TMEM50B: variants seen among roughly 807,000 people sequenced by gnomAD.
TMEM50B encodes the protein HCV p7-trans-regulated protein 3.
Under a neutral mutation model 23.4 loss-of-function variants are expected in TMEM50B, and 14 were observed. That is an observed-to-expected ratio of 0.60 (90% CI 0.39 to 0.93). The LOEUF is 0.93. Ranked by LOEUF, TMEM50B falls within the 40% of genes least tolerant of loss-of-function variation. The probability of loss-of-function intolerance (pLI) is 0.00; values close to 1 mark genes in which losing one functional copy is unlikely to be tolerated. For missense variants in TMEM50B, 159 were observed against 193.0 expected (o/e 0.82, Z 1.04); for synonymous variants, 64 against 62.3 (o/e 1.03, Z -0.13).
intron 6 of TMEM50B, among the ~76,000 whole-genome samples, chr21:33,454,322 G>C (rs1245041558): frequency 2.6e-5 from 4 of 151,856 alleles, no homozygotes; most frequent in Admixed American, 2.6e-4. Flanking sequence ...ATTTTGATAT[G>C]GAGTCTTGCT....
At chr21:33,437,700 A>G (rs8131980) in intron 8 of TMEM50B, among the ~76,000 whole-genome samples, 117,432 of 152,160 alleles carry the variant, frequency 0.77, 45,847 homozygotes, top group East Asian at 0.98. Context: ...AAAGAAGGCC[A>G]GGGCCTAGTG....
chr21:33,468,859 A>G lies in TMEM50B; in HGVS notation c.27T>C (p.Arg9=), dbSNP rs201411977. Residue 9 remains arginine, a synonymous_variant, in exon 2 of 7, where the codon CGT becomes CGC. Coordinates refer to ENST00000542230, the MANE Select transcript of TMEM50B (RefSeq NM_006134.7). The part of the protein sequence containing the change: MAGFLDNF[R]WPECECIDWS... ...AGTCAATACATTCACATTCTGGCCA[A>G]CGAAAATTATCTAGGAAGCCTGCCA... 2 of 1,613,890 alleles carry G rather than the reference A, an allele frequency of 1.2e-6. No individual in the cohort carries two copies. Among genetic ancestry groups the G allele is most frequent in the East Asian group, 2.2e-5 (1 of 44,866 alleles).
intron 1 of TMEM50B, among the ~76,000 whole-genome samples, chr21:33,472,114 T>C (rs763759957): frequency 2.6e-5 from 4 of 151,116 alleles, no homozygotes; most frequent in Non-Finnish European, 4.4e-5. Context: ...CCGGGCAGGA[T>C]GGCTCACACA....
chr21:33,458,301 G>A (rs866136595), intron 5 of TMEM50B, among the ~76,000 whole-genome samples: 2 of 152,122 alleles, frequency 1.3e-5, no homozygotes, highest in Non-Finnish European at 2.9e-5. Flanking sequence ...ATCACCTGAG[G>A]TCAGGAATTC....
intron 7 of TMEM50B, among the ~76,000 whole-genome samples, chr21:33,442,020 CT>C (rs1186186119): frequency 6.6e-6 from 1 of 151,486 alleles, no homozygotes; most frequent in Non-Finnish European, 1.5e-5. Context: ...TATTTGTTTG[CT>C]TGTTTGTTTG....
intron 7 of TMEM50B, among the ~76,000 whole-genome samples, chr21:33,442,942 C>A (rs2084020811): frequency 6.6e-6 from 1 of 151,366 alleles, no homozygotes; most frequent in South Asian, 2.1e-4. Flanking sequence ...CAAAACAAAT[C>A]AAAACAAAAA....
downstream of TMEM50B, among the ~76,000 whole-genome samples, chr21:33,446,719 T>C (rs1418473066): frequency 2.6e-5 from 3 of 117,332 alleles, no homozygotes; most frequent in Non-Finnish European, 5.2e-5. Context: ...TTTAAAAAGG[T>C]GTTTTGGAGC....
Position 33,460,457 on chromosome 21 carries a change from A to T in TMEM50B, c.329T>A (p.Leu110His). Residue 110 changes from leucine to histidine, a missense_variant, in exon 5 of 7, where the codon CTT becomes CAT. Coordinates refer to ENST00000542230, the MANE Select transcript of TMEM50B (RefSeq NM_006134.7). ...AAAAAGAATCCACATGGAAGCAATA[A>T]GTGACCCAAACATCAACATGAAACC... ...FIGFMLMFGS[L>H]IASMWILFGA... 3.1e-6 allele frequency: 5 copies of T among 1,612,864 alleles called. No individual in the cohort carries two copies. Among genetic ancestry groups the T allele is most frequent in the Non-Finnish European group, 4.2e-6 (5 of 1,179,500 alleles).
Position 33,443,407 on chromosome 21 carries a change from T to C in TMEM50B, c.*2037-4110A>G, listed in dbSNP as rs369884145. ...AGTCGGGGCTGTGGGTACATTCCTG[T>C]AGGCTGTGCACCGCACAACCCCACA... On this transcript the variant is annotated intron_variant and NMD_transcript_variant, in intron 7 of 8. Transcript: ENST00000420455. Among the ~76,000 whole-genome samples the C allele has an allele frequency of 1.6e-4, 25 of 152,066 alleles. No homozygotes were observed. The East Asian group carries it at 4.5e-3, about 27-fold the overall frequency.
At chr21:33,461,470 A>C in intron 4 of TMEM50B, among the ~76,000 whole-genome samples, 1 of 152,200 alleles carries the variant, frequency 6.6e-6, no homozygotes, top group Admixed American at 6.6e-5. Flanking sequence ...AATTATATTC[A>C]ATCATAGCTT....
downstream of TMEM50B, among the ~76,000 whole-genome samples, chr21:33,445,020 AGGCTGAGGT>A (rs1360346327): frequency 6.7e-6 from 1 of 149,276 alleles, no homozygotes; most frequent in African/African-American, 2.5e-5. Flanking sequence ...GCTACTTGGA[AGGCTGAGGT>A]GGGAGGATCG....
intron 2 of TMEM50B, 81 bp downstream of exon 2, chr21:33,468,706 T>C: frequency 1.8e-6 from 2 of 1,094,826 alleles, no homozygotes; most frequent in Non-Finnish European, 2.8e-6. Flanking sequence ...TGGAAAGCCA[T>C]TCTCAGTTCA....
intron 1 of TMEM50B, chr21:33,478,876 C>T (rs2084399110): frequency 4.3e-6 from 2 of 469,374 alleles, no homozygotes; most frequent in East Asian, 6.9e-5. Context: ...TCAAGGGATC[C>T]ACAGTGCAGG....
At chr21:33,466,968 TTA>T in intron 3 of TMEM50B, 40 bp downstream of exon 3, 1 of 1,542,956 alleles carries the variant, frequency 6.5e-7, no homozygotes, top group East Asian at 2.2e-5. Flanking sequence ...GAAAGTATTT[TTA>T]GAAAAATCAC....
chr21:33,441,255 A>C (rs6517173), intron 7 of TMEM50B, among the ~76,000 whole-genome samples: 88,462 of 151,824 alleles, frequency 0.58, 27,766 homozygotes, highest in East Asian at 0.83. Context: ...TTCTTGGTAC[A>C]TAACATTTAA....
At chr21:33,436,884 A>G in intron 8 of TMEM50B, 1 of 1,614,066 alleles carries the variant, frequency 6.2e-7, no homozygotes, top group South Asian at 1.1e-5. Context: ...ACAGCTCACC[A>G]AAGGATGACG....
chr21:33,448,026 T>G (rs1293837691), downstream of TMEM50B, among the ~76,000 whole-genome samples: 1 of 152,196 alleles, frequency 6.6e-6, no homozygotes, highest in Non-Finnish European at 1.5e-5. Context: ...GGAGTCTCGC[T>G]TTGTCACCCA....
intron 8 of TMEM50B, chr21:33,437,126 C>CTTT: frequency 2.0e-5 from 10 of 489,678 alleles, no homozygotes; most frequent in East Asian, 3.5e-5. Flanking sequence ...GGGTGACAAG[C>CTTT]TTTTTTTTTT....
chr21:33,436,920 G>A lies in TMEM50B; in HGVS notation c.*2120+2294C>T, dbSNP rs757155988. On this transcript the variant is annotated intron_variant and NMD_transcript_variant, in intron 8 of 8. Coordinates refer to the TMEM50B transcript ENST00000420455. Reference sequence around the variant, plus strand: ...TCTGGGACTCTGTGTCCATTATCTCGTTTCCGGAAAAGGAGCAAGAAGATG... The same window carrying A: ...TCTGGGACTCTGTGTCCATTATCTCATTTCCGGAAAAGGAGCAAGAAGATG... 5.6e-6 allele frequency: 9 copies of A among 1,613,800 alleles called. No homozygotes were observed. Among genetic ancestry groups the A allele is most frequent in the African/African-American group, 2.7e-5 (2 of 74,852 alleles).
Sources: gnomAD v4.1 joint callset for allele counts (sites outside exome capture counted in the v4.1 genomes callset) on GRCh38, gnomAD v4.1.1 for gene constraint, MANE v1.5 for transcripts, NCBI Gene and HGNC (gene_info 2026-07-23, HGNC 2026-07-21) for gene names.